Variants in PTPN4 observed in about 807,000 individuals in gnomAD.
PTPN4 encodes tyrosine-protein phosphatase non-receptor type 4.
Under a neutral mutation model 135.5 loss-of-function variants are expected in PTPN4, and 49 were observed. The ratio of observed to expected loss-of-function variants is 0.36; its 90% CI spans 0.29 to 0.46. PTPN4 has a LOEUF of 0.46. Among genes scored for constraint, PTPN4 ranks in the 20% least tolerant of loss-of-function variants. The pLI is 1.00. For missense variants in PTPN4, 860 were observed against 1,101.0 expected, an observed-to-expected ratio of 0.78 and a Z score of 3.10; for synonymous variants, 333 against 369.9, an observed-to-expected ratio of 0.90 and a Z score of 1.14.
intron 9 of PTPN4, among the ~76,000 whole-genome samples, chr2:119,889,399 G>A (rs989381058): frequency 5.9e-5 from 9 of 152,064 alleles, no homozygotes; most frequent in Non-Finnish European, 1.2e-4. Flanking sequence ...CAGCCTGGGC[G>A]ACAGAGAGAG....
rs144007207 is a variant in PTPN4, at chr2:119,831,538, T to C, written c.138+21547T>C. 3.9e-5 allele frequency among the ~76,000 whole-genome samples: 6 copies of C among 152,322 alleles called. No homozygotes were observed. The East Asian group carries it at 9.6e-4, about 24-fold the overall frequency. On this transcript the variant is annotated intron_variant, in intron 2 of 26. Coordinates refer to ENST00000263708, the MANE Select transcript of PTPN4 (RefSeq NM_002830.4). ...AGTTCTCCAACATTCTTTTTAAATA[T>C]TATTTTGGTGCATACACATTTAGGA... is the stretch of plus-strand genomic sequence containing the variant.
At chr2:119,833,032 T>A (rs752661701) in intron 2 of PTPN4, among the ~76,000 whole-genome samples, 3 of 152,210 alleles carry the variant, frequency 2.0e-5, no homozygotes, top group Non-Finnish European at 4.4e-5. Context: ...TTGTTTTTCT[T>A]TAATGGTTAT....
intron 2 of PTPN4, among the ~76,000 whole-genome samples, chr2:119,844,556 G>A (rs1456291748): frequency 2.0e-5 from 3 of 146,852 alleles, no homozygotes; most frequent in East Asian, 2.1e-4. Context: ...GGGCAGAGAC[G>A]CTCCTCACCT....
chr2:119,877,641 T>C, intron 5 of PTPN4, 99 bp downstream of exon 5: 2 of 1,390,728 alleles, frequency 1.4e-6, no homozygotes, highest in Non-Finnish European at 1.9e-6. Context: ...GGTGTAATTC[T>C]GAGCTTTCCA....
intron 2 of PTPN4, among the ~76,000 whole-genome samples, chr2:119,854,529 G>A (rs968884952): frequency 1.3e-5 from 2 of 152,158 alleles, no homozygotes; most frequent in Non-Finnish European, 2.9e-5. Flanking sequence ...GCTGAAAAGG[G>A]GCGTCAAGTG....
chr2:119,932,512 AG>A lies in PTPN4; in HGVS notation c.1160del (p.Ser387IlefsTer34). ...SISDDRLETQ[S>X]LPSRSPPGTP... is the part of the protein sequence containing the mutation. ...ATCTGATGACAGGTTAGAAACACAAAGTCTTCCATCACGATCTCCACCGGGA... is the reference window on the plus strand; with the variant it reads ...ATCTGATGACAGGTTAGAAACACAAATCTTCCATCACGATCTCCACCGGGA... On this transcript the variant is annotated frameshift_variant, in exon 14 of 27. Transcript: ENST00000263708. LOFTEE classifies it high-confidence loss of function. 6.2e-7 allele frequency: 1 copy of A among 1,612,308 alleles called. No homozygotes were observed. The highest frequency in any genetic ancestry group is 8.5e-7 in the Non-Finnish European group (1 of 1,178,744).
chr2:119,939,795 C>G (rs1317045123), intron 15 of PTPN4, among the ~76,000 whole-genome samples: 1 of 152,132 alleles, frequency 6.6e-6, no homozygotes, highest in Non-Finnish European at 1.5e-5. Flanking sequence ...CTCAGTTGTC[C>G]CCAATTCCTA....
intron 2 of PTPN4, among the ~76,000 whole-genome samples, chr2:119,840,168 A>G (rs2104969591): frequency 6.6e-6 from 1 of 152,302 alleles, no homozygotes. Context: ...TACACAGGTA[A>G]ATATGTGCCA....
Position 119,981,132 on chromosome 2 carries a change from T to C in PTPN4, c.*4062T>C, listed in dbSNP as rs1679686565. On this transcript the variant is annotated 3_prime_UTR_variant, in exon 27 of 27. Transcript: ENST00000263708. ...ATACCACAATAATGTGGGATATGTT[T>C]ACAGGCTCTTTTATTTTGTGGTAGT... The C allele has an allele frequency of 1.3e-5, 2 of 152,132 alleles. No homozygotes were observed. Among genetic ancestry groups the C allele is most frequent in the South Asian group, 4.1e-4 (2 of 4,836 alleles). The allele number at this position is 152,132 out of a possible 1,614,324, so 9.4% of individuals were successfully genotyped here. A position where few individuals can be genotyped will look rare whatever the true frequency, so the allele number is the denominator to read the frequency against.
Position 119,977,955 on chromosome 2 carries a change from A to G in PTPN4, c.*885A>G, listed in dbSNP as rs1417081868. The G allele has an allele frequency of 6.6e-6, 1 of 152,190 alleles. No individual in the cohort carries two copies. Among genetic ancestry groups the G allele is most frequent in the South Asian group, 2.1e-4 (1 of 4,828 alleles). The allele number at this position is 152,190 out of a possible 1,614,324, so 9.4% of individuals were successfully genotyped here. On this transcript the variant is annotated 3_prime_UTR_variant, in exon 27 of 27. Transcript: ENST00000263708. ...AGTTCACATTTTAAAAAACAGCTAT[A>G]TTGAGTGTTATACAGTCAAAGAAGG...
chr2:119,944,715 T>C (rs1348720824), intron 15 of PTPN4, among the ~76,000 whole-genome samples: 1 of 152,200 alleles, frequency 6.6e-6, no homozygotes, highest in Non-Finnish European at 1.5e-5. Context: ...ACTTTATCTG[T>C]GGAACTACCC....
At chr2:119,801,213 G>C (rs931392514) in intron 1 of PTPN4, among the ~76,000 whole-genome samples, 1 of 152,006 alleles carries the variant, frequency 6.6e-6, no homozygotes, top group Non-Finnish European at 1.5e-5. Flanking sequence ...TTAGCCTACT[G>C]AGTAGCTGGG....
chr2:119,970,136 C>T (rs1040099477), intron 26 of PTPN4, among the ~76,000 whole-genome samples: 2 of 151,754 alleles, frequency 1.3e-5, no homozygotes, highest in African/African-American at 2.4e-5. Flanking sequence ...CTCAGCTCGC[C>T]GCAACCTCCG....
At chr2:119,794,174 G>T (rs1483103872) in intron 1 of PTPN4, among the ~76,000 whole-genome samples, 1 of 151,964 alleles carries the variant, frequency 6.6e-6, no homozygotes, top group Non-Finnish European at 1.5e-5. Flanking sequence ...GCTTTGTTGA[G>T]GTAAAGTAGC....
intron 3 of PTPN4, 46 bp downstream of exon 3, chr2:119,862,689 C>A: frequency 6.7e-7 from 1 of 1,492,632 alleles, no homozygotes; most frequent in South Asian, 1.2e-5. Context: ...TTTTTCCTCT[C>A]AGTTTAGTGT....
chr2:119,876,940 T>C (rs13432018), intron 3 of PTPN4, among the ~76,000 whole-genome samples: 43,861 of 148,466 alleles, frequency 0.3, 6,605 homozygotes, highest in African/African-American at 0.36. Flanking sequence ...TGTGTGTGTG[T>C]GCGTGAAGGG....
At chr2:119,947,355 G>GA (rs1367391737) in intron 18 of PTPN4, among the ~76,000 whole-genome samples, 2 of 152,136 alleles carry the variant, frequency 1.3e-5, no homozygotes, top group African/African-American at 4.8e-5. Flanking sequence ...AAGTTGGTTT[G>GA]AAAATCACAA....
chr2:119,976,224 C>G (rs1440076968), intron 26 of PTPN4, among the ~76,000 whole-genome samples: 1 of 151,948 alleles, frequency 6.6e-6, no homozygotes, highest in African/African-American at 2.4e-5. Context: ...GTCTCGATCT[C>G]CTGACCTCGT....
At chr2:119,790,035 A>T (rs1323328707) in intron 1 of PTPN4, among the ~76,000 whole-genome samples, 4 of 151,792 alleles carry the variant, frequency 2.6e-5, no homozygotes, top group Non-Finnish European at 1.5e-5. Flanking sequence ...GCCACCTGTT[A>T]CTCATTTCTA....
Sources: gnomAD v4.1 joint callset for allele counts (sites outside exome capture counted in the v4.1 genomes callset) on GRCh38, gnomAD v4.1.1 for gene constraint, MANE v1.5 for transcripts, NCBI Gene and HGNC (gene_info 2026-07-23, HGNC 2026-07-21) for gene names.